DHX37: variants seen among roughly 807,000 people sequenced by gnomAD.
DHX37 encodes the protein DEAH-box helicase 37, also known as probable ATP-dependent RNA helicase DHX37.
A neutral mutation model predicts 134.3 loss-of-function variants in DHX37; 52 were observed. The observed-to-expected ratio is 0.39, with a 90% CI of 0.31 to 0.49. The LOEUF (loss-of-function observed/expected upper bound fraction) is 0.49, where lower values mean the gene tolerates loss of function less well. Among genes scored for constraint, DHX37 ranks in the 20% least tolerant of loss-of-function variants. The pLI is 0.93. For synonymous variants in DHX37, 634 were observed against 670.7 expected, an observed-to-expected ratio of 0.95 and a Z score of 0.85; for missense variants, 1,344 against 1,580.8, an observed-to-expected ratio of 0.85 and a Z score of 2.54.
At chr12:124,986,347 G>A (rs1954872341) in intron 1 of DHX37, 82 bp from the exon 2 acceptor site, 5 of 1,506,506 alleles carry the variant, frequency 3.3e-6, no homozygotes, top group Admixed American at 4.0e-5. Context: ...GACTTGCATG[G>A]GGGCCTCCTG....
intron 12 of DHX37, among the ~76,000 whole-genome samples, chr12:124,966,467 G>A (rs1421903944): frequency 2.0e-5 from 3 of 152,330 alleles, no homozygotes; most frequent in Admixed American, 6.5e-5. Flanking sequence ...GGGCTCAGAT[G>A]GTTCTCCCAC....
intron 23 of DHX37, 70 bp from the exon 24 acceptor site, chr12:124,950,313 C>T: frequency 6.2e-7 from 1 of 1,606,774 alleles, no homozygotes; most frequent in Non-Finnish European, 8.5e-7. Context: ...CCCTGCCCCA[C>T]CCGAGACACA....
chr12:124,982,726 CTT>C, intron 2 of DHX37, 103 bp from the exon 3 acceptor site: 1 of 1,476,768 alleles, frequency 6.8e-7, no homozygotes, highest in Non-Finnish European at 9.1e-7. Context: ...CACCTGGAGT[CTT>C]TAAAATCGGC....
intron 18 of DHX37, among the ~76,000 whole-genome samples, chr12:124,955,775 A>G (rs1430691796): frequency 6.6e-6 from 1 of 152,272 alleles, no homozygotes; most frequent in Non-Finnish European, 1.5e-5. Context: ...TTAAATTTAA[A>G]CTATTAAAAA....
chr12:124,989,045 C>G lies in DHX37; in HGVS notation c.-23G>C, dbSNP rs777125972. On this transcript the variant is annotated 5_prime_UTR_variant, in exon 1 of 27. Coordinates refer to ENST00000308736, the MANE Select transcript of DHX37 (RefSeq NM_032656.4). ...CATGGCGACTAGGCCAGGGTGGGCG[C>G]TCCAGCGGCCGGACCAGCAGAGCAA... is the stretch of plus-strand genomic sequence containing the variant. 1 of 1,329,896 alleles carries G rather than the reference C, an allele frequency of 7.5e-7. No individual in the cohort carries two copies. Among genetic ancestry groups the G allele is most frequent in the South Asian group, 2.3e-5 (1 of 44,204 alleles). The allele number at this position is 1,329,896 out of a possible 1,614,324, so 82.4% of individuals were successfully genotyped here.
intron 7 of DHX37, 130 bp downstream of exon 7, chr12:124,972,373 T>C: frequency 1.1e-6 from 1 of 901,096 alleles, no homozygotes; most frequent in Non-Finnish European, 1.8e-6. Flanking sequence ...TCACCCAAAG[T>C]CACACAGCAG....
intron 7 of DHX37, 113 bp from the exon 8 acceptor site, chr12:124,971,528 T>G: frequency 6.7e-7 from 1 of 1,485,784 alleles, no homozygotes; most frequent in Admixed American, 2.0e-5. Context: ...CAGCTGCTCT[T>G]CATCAGAGGT....
chr12:124,956,102 G>A (rs1186430904), intron 18 of DHX37, among the ~76,000 whole-genome samples: 2 of 152,226 alleles, frequency 1.3e-5, no homozygotes, highest in African/African-American at 4.8e-5. Flanking sequence ...AAGATGCAGA[G>A]GCTCACAGAG....
rs142214455 is a variant in DHX37, at chr12:124,966,950, T to C, written c.1505-72A>G. The C allele has an allele frequency of 2.4e-3, 3,882 of 1,595,494 alleles. 88 individuals are homozygous for C. The African/African-American group carries it at 0.046, about 19-fold the overall frequency. On this transcript the variant is annotated intron_variant, in intron 11 of 26. Transcript: ENST00000308736. The stretch of plus-strand genomic sequence containing the variant: ...GTCGCCAGCACACTGCCCTTTGTTG[T>C]TCAAGGCATGGCCACTCAGTGGTGG...
chr12:124,989,043 C>T lies in DHX37; in HGVS notation c.-21G>A. 2 of 1,335,440 alleles carry T rather than the reference C, an allele frequency of 1.5e-6. No homozygotes were observed. Among genetic ancestry groups the T allele is most frequent in the East Asian group, 2.9e-5 (1 of 34,316 alleles). 82.7% of individuals were successfully genotyped at this position (1,335,440 alleles called of 1,614,324 possible). A position where few individuals can be genotyped will look rare whatever the true frequency, so the allele number is the denominator to read the frequency against. On this transcript the variant is annotated 5_prime_UTR_variant, in exon 1 of 27. Transcript: ENST00000308736. Reference sequence around the variant, plus strand: ...CCCATGGCGACTAGGCCAGGGTGGGCGCTCCAGCGGCCGGACCAGCAGAGC... The same window carrying T: ...CCCATGGCGACTAGGCCAGGGTGGGTGCTCCAGCGGCCGGACCAGCAGAGC...
chr12:124,949,650 T>A lies in DHX37; in HGVS notation c.3290+336A>T, dbSNP rs1307456530. 6.6e-6 allele frequency among the ~76,000 whole-genome samples: 1 copy of A among 152,090 alleles called. No individual in the cohort carries two copies. The highest frequency in any genetic ancestry group is 2.4e-5 in the African/African-American group (1 of 41,404). ...AATGTCATGAGTTAAGGAGAGGTCA[T>A]CCTGGAGTAGGGTGGGCCCTGAATA... On this transcript the variant is annotated intron_variant, in intron 25 of 26. Transcript: ENST00000308736. This position sits in a 1 kb window ranked among gnomAD's most constrained non-coding sequence, Gnocchi z 4.0.
rs754382314 is a variant in DHX37, at chr12:124,957,153, G to A, written c.2158-18C>T. The A allele has an allele frequency of 4.0e-6, 6 of 1,488,832 alleles. No individual in the cohort carries two copies. Among genetic ancestry groups the A allele is most frequent in the East Asian group, 2.5e-5 (1 of 40,026 alleles). The allele number at this position is 1,488,832 out of a possible 1,614,324, so 92.2% of individuals were successfully genotyped here. Reference sequence around the variant, plus strand: ...TTGATGACCTGGGACACAAGGAGACGTGGCAGGGACAGGGTGAATGCCAAG... The same window carrying A: ...TTGATGACCTGGGACACAAGGAGACATGGCAGGGACAGGGTGAATGCCAAG... On this transcript the variant is annotated intron_variant, in intron 16 of 26. Coordinates refer to ENST00000308736, the MANE Select transcript of DHX37 (RefSeq NM_032656.4).
rs1953900357 is a variant in DHX37, at chr12:124,947,618, G to A, written c.*184C>T. 2.9e-6 allele frequency: 2 copies of A among 699,080 alleles called. No homozygotes were observed. The highest frequency in any genetic ancestry group is 1.8e-5 in the African/African-American group (1 of 55,806). 43.3% of individuals were successfully genotyped at this position (699,080 alleles called of 1,614,324 possible). On this transcript the variant is annotated 3_prime_UTR_variant, in exon 27 of 27. Coordinates refer to ENST00000308736, the MANE Select transcript of DHX37 (RefSeq NM_032656.4). The stretch of plus-strand genomic sequence containing the variant: ...TCAAAAAGTCACCCCCGGGCCAGAT[G>A]GCACGGGCGGCAGCACCCTTCATAC...
At chr12:124,974,150 T>C (rs1954580968) in intron 6 of DHX37, among the ~76,000 whole-genome samples, 1 of 146,476 alleles carries the variant, frequency 6.8e-6, no homozygotes, top group Admixed American at 7.0e-5. Context: ...GAGATGGGGT[T>C]TCACCGTGTT....
chr12:124,982,902 A>C (rs1316721827), intron 2 of DHX37, among the ~76,000 whole-genome samples: 1 of 152,072 alleles, frequency 6.6e-6, no homozygotes, highest in Non-Finnish European at 1.5e-5. Context: ...CATCAACAGG[A>C]GATGAATAAA....
Position 124,977,445 on chromosome 12 carries a change from T to C in DHX37, c.784A>G (p.Met262Val). 6.2e-7 allele frequency: 1 copy of C among 1,611,834 alleles called. No homozygotes were observed. Among genetic ancestry groups the C allele is most frequent in the South Asian group, 1.1e-5 (1 of 90,768 alleles). The part of the protein sequence containing the change: ...LPILSEEQVI[M>V]EAVAEHPIVI... ...ATGGGGTGCTCGGCCACAGCCTCCA[T>C]GATTACTTGTTCTTCGGAGAGAATT... The change falls in exon 5 of 27, where the codon ATG becomes GTG. Residue 262 changes from methionine to valine, a missense_variant. Met to Val is a conservative substitution (Grantham distance 21). This residue lies in a region of DHX37 where 77 missense variants were observed against 121.6 expected (regional missense o/e 0.63). Coordinates refer to ENST00000308736, the MANE Select transcript of DHX37 (RefSeq NM_032656.4).
Position 124,947,881 on chromosome 12 carries a change from A to G in DHX37, c.3395T>C (p.Leu1132Pro). ...AAWKKNPKYL[L>P]AEYCEWLPQA... ...TGGAAGCCACTCACAGTACTCAGCC[A>G]GCAGGTCTGCAGGGGAGGGAAGGAG... is the stretch of plus-strand genomic sequence containing the variant. Residue 1132 changes from leucine to proline, a missense_variant, in exon 27 of 27, where the codon CTG becomes CCG. Around this residue, in one of 7 missense-constraint regions of DHX37, gnomAD observed 558 missense variants for 650.0 expected, o/e 0.86. Coordinates refer to ENST00000308736, the MANE Select transcript of DHX37 (RefSeq NM_032656.4). 1.2e-6 allele frequency: 2 copies of G among 1,610,250 alleles called. No homozygotes were observed. Among genetic ancestry groups the G allele is most frequent in the Non-Finnish European group, 1.7e-6 (2 of 1,177,838 alleles).
intron 15 of DHX37, among the ~76,000 whole-genome samples, chr12:124,961,282 ACACACTTACACGCGTGCACGCACG>A (rs879783267): frequency 6.4e-4 from 73 of 113,222 alleles, no homozygotes; most frequent in Non-Finnish European, 1.2e-3. Flanking sequence ...GTGCACGCAC[ACACACTTACACGCGTGCACGCACG>A]CACACACACT....
chr12:124,961,462 T>C (rs143213509), intron 15 of DHX37, among the ~76,000 whole-genome samples: 14 of 152,210 alleles, frequency 9.2e-5, no homozygotes, highest in African/African-American at 2.9e-4. Context: ...GAAGTCTCGC[T>C]CTGTCGCCCA....
Sources: allele counts gnomAD v4.1 joint callset (sites outside exome capture counted in the v4.1 genomes callset), GRCh38; gene constraint gnomAD v4.1.1; regional missense constraint gnomAD v4.1.1; non-coding constraint Gnocchi (gnomAD v3.1); transcripts MANE v1.5; gene names NCBI Gene and HGNC (gene_info 2026-07-23, HGNC 2026-07-21).